Variants in HCN1 observed in about 807,000 individuals in gnomAD.
HCN1 encodes hyperpolarization activated cyclic nucleotide gated potassium channel 1, also known as potassium/sodium hyperpolarization-activated cyclic nucleotide-gated channel 1.
A neutral mutation model predicts 78.9 loss-of-function variants in HCN1; 13 were observed. The observed-to-expected ratio is 0.16, with a 90% CI of 0.11 to 0.26. The LOEUF (loss-of-function observed/expected upper bound fraction) is 0.26. Ranked by LOEUF, HCN1 falls within the 10% of genes least tolerant of loss-of-function variation. HCN1 has a pLI of 1.00. For missense variants in HCN1, 810 were observed against 1,154.3 expected, an observed-to-expected ratio of 0.70 and a Z score of 4.32; for synonymous variants, 552 against 455.5, an observed-to-expected ratio of 1.21 and a Z score of -2.70.
At chr5:45,356,898 A>G (rs1747015983) in intron 4 of HCN1, among the ~76,000 whole-genome samples, 1 of 152,070 alleles carries the variant, frequency 6.6e-6, no homozygotes, top group Non-Finnish European at 1.5e-5. Flanking sequence ...CACAAAGCCA[A>G]ATGGTGTGAG....
intron 2 of HCN1, among the ~76,000 whole-genome samples, chr5:45,524,178 T>C (rs372128175): frequency 6.6e-6 from 1 of 152,168 alleles, no homozygotes; most frequent in Non-Finnish European, 1.5e-5. Context: ...TGTAGATACG[T>C]GGCGTTATTT....
chr5:45,668,878 G>T (rs1746099839), intron 1 of HCN1, among the ~76,000 whole-genome samples: 1 of 151,738 alleles, frequency 6.6e-6, no homozygotes, highest in South Asian at 2.1e-4. Flanking sequence ...GTATCTTGTT[G>T]TCAGCTCTAT....
chr5:45,391,985 C>T (rs1739575106), intron 4 of HCN1, among the ~76,000 whole-genome samples: 1 of 152,012 alleles, frequency 6.6e-6, no homozygotes, highest in South Asian at 2.1e-4. Context: ...GTAAGAATCA[C>T]TTGGTATGTT....
chr5:45,497,385 C>G (rs1397378751), intron 2 of HCN1, among the ~76,000 whole-genome samples: 2 of 152,078 alleles, frequency 1.3e-5, no homozygotes, highest in Non-Finnish European at 2.9e-5. Flanking sequence ...TCTGGGTGCT[C>G]CTGTATTGGG....
chr5:45,376,236 C>CTATATATACTATATAGAATATAGAA (rs1321997607), intron 4 of HCN1, among the ~76,000 whole-genome samples: 1 of 27,952 alleles, frequency 3.6e-5, no homozygotes. Context: ...AATATATATT[C>CTATATATACTATATAGAATATAGAA]TATATATTCT....
At chr5:45,553,356 C>T (rs1274879182) in intron 2 of HCN1, among the ~76,000 whole-genome samples, 1 of 151,836 alleles carries the variant, frequency 6.6e-6, no homozygotes, top group African/African-American at 2.4e-5. Flanking sequence ...TTCTAGATCT[C>T]ACTGAGGCTG....
intron 5 of HCN1, among the ~76,000 whole-genome samples, chr5:45,349,851 G>A (rs200034305): frequency 2.0e-5 from 3 of 151,714 alleles, no homozygotes; most frequent in African/African-American, 4.9e-5. Context: ...GAATAGACCA[G>A]TAACAGGCTC....
At chr5:45,364,164 G>T (rs920841833) in intron 4 of HCN1, among the ~76,000 whole-genome samples, 1 of 151,930 alleles carries the variant, frequency 6.6e-6, no homozygotes, top group African/African-American at 2.4e-5. Context: ...TCATTTGTTG[G>T]CATCTTTTAA....
intron 6 of HCN1, among the ~76,000 whole-genome samples, chr5:45,274,151 T>A (rs552936893): frequency 2.1e-4 from 32 of 152,170 alleles, no homozygotes; most frequent in Non-Finnish European, 4.4e-4. Context: ...CATATTATAA[T>A]ATTCTAATAA....
chr5:45,278,014 T>C (rs1269759011), intron 6 of HCN1, among the ~76,000 whole-genome samples: 1 of 152,112 alleles, frequency 6.6e-6, no homozygotes, highest in African/African-American at 2.4e-5. Flanking sequence ...ATAATTTCCC[T>C]TGCTTCTTTT....
chr5:45,433,620 T>C (rs1423950790), intron 3 of HCN1, among the ~76,000 whole-genome samples: 1 of 152,176 alleles, frequency 6.6e-6, no homozygotes, highest in African/African-American at 2.4e-5. Flanking sequence ...GTCATCATAT[T>C]CTTGTTTATA....
chr5:45,524,951 T>C (rs1167735796), intron 2 of HCN1, among the ~76,000 whole-genome samples: 1 of 152,160 alleles, frequency 6.6e-6, no homozygotes, highest in East Asian at 1.9e-4. Context: ...TCAAAGGGAA[T>C]GCTTCCAGTT....
chr5:45,569,236 T>C (rs960120225), intron 2 of HCN1, among the ~76,000 whole-genome samples: 2 of 152,196 alleles, frequency 1.3e-5, no homozygotes, highest in Admixed American at 1.3e-4. Context: ...TTCATTTCTG[T>C]AGGTTTCAAT....
intron 5 of HCN1, among the ~76,000 whole-genome samples, chr5:45,322,218 G>T (rs1299169854): frequency 6.6e-6 from 1 of 151,854 alleles, no homozygotes; most frequent in Non-Finnish European, 1.5e-5. Context: ...CTTAATAAAG[G>T]TGTTAATGGG....
At chr5:45,375,442 GATCATATTTTATGATACATATGATAT>G (rs1747606936) in intron 4 of HCN1, among the ~76,000 whole-genome samples, 1 of 106,812 alleles carries the variant, frequency 9.4e-6, no homozygotes, top group African/African-American at 4.0e-5. Context: ...TTATATATAA[GATCATATTTTATGATACATATGATAT>G]ATAAGATCAT....
chr5:45,630,305 C>A (rs894552264), intron 2 of HCN1, among the ~76,000 whole-genome samples: 2 of 152,134 alleles, frequency 1.3e-5, no homozygotes, highest in African/African-American at 2.4e-5. Context: ...GGATTTATAT[C>A]CTGGCACTAT....
At chr5:45,296,326 T>C (rs948841028) in intron 6 of HCN1, among the ~76,000 whole-genome samples, 1 of 151,354 alleles carries the variant, frequency 6.6e-6, no homozygotes, top group Non-Finnish European at 1.5e-5. Context: ...AAACCAACAA[T>C]AGAAAGACAG....
chr5:45,352,245 AATC>A (rs1454057641), intron 5 of HCN1, among the ~76,000 whole-genome samples: 5 of 152,138 alleles, frequency 3.3e-5, no homozygotes, highest in Admixed American at 2.6e-4. Context: ...TGAAATTGGA[AATC>A]ATCATTCTCA....
intron 2 of HCN1, among the ~76,000 whole-genome samples, chr5:45,523,522 T>G (rs1303385160): frequency 6.6e-6 from 1 of 152,182 alleles, no homozygotes; most frequent in Non-Finnish European, 1.5e-5. Flanking sequence ...CAGCACCTGT[T>G]GTTTCCTGAC....
Sources: allele counts gnomAD v4.1 joint callset (sites outside exome capture counted in the v4.1 genomes callset), GRCh38; gene constraint gnomAD v4.1.1; transcripts MANE v1.5; gene names NCBI Gene and HGNC (gene_info 2026-07-23, HGNC 2026-07-21).